ANLN: variants seen among roughly 807,000 people sequenced by gnomAD.
ANLN encodes the protein anillin.
Under a neutral mutation model 135.1 loss-of-function variants are expected in ANLN, and 59 were observed. That is an observed-to-expected ratio of 0.44 (90% CI 0.35 to 0.54). The LOEUF (loss-of-function observed/expected upper bound fraction) is 0.54. ANLN is among the 20% of genes least tolerant of loss of function. ANLN has a pLI of 0.00. For missense variants in ANLN, 1,182 were observed against 1,340.0 expected, an observed-to-expected ratio of 0.88 and a Z score of 1.84; for synonymous variants, 406 against 456.4, an observed-to-expected ratio of 0.89 and a Z score of 1.41.
At chr7:36,409,123 G>A (rs887276408) in intron 5 of ANLN, among the ~76,000 whole-genome samples, 2 of 152,196 alleles carry the variant, frequency 1.3e-5, no homozygotes, top group Non-Finnish European at 2.9e-5. Flanking sequence ...AGATGGAATA[G>A]GACTAGTTAG....
chr7:36,389,874 G>T lies in ANLN; in HGVS notation c.-153G>T. ...GGCTGCAGAGGCCGAGTCCGTCACTGGAAGCCGAGAGGAGAGGACAGCTGG... is the reference window on the plus strand; with the variant it reads ...GGCTGCAGAGGCCGAGTCCGTCACTTGAAGCCGAGAGGAGAGGACAGCTGG... On this transcript the variant is annotated 5_prime_UTR_variant, in exon 1 of 24. Coordinates refer to ENST00000265748, the MANE Select transcript of ANLN (RefSeq NM_018685.5). The T allele has an allele frequency of 7.2e-7, 1 of 1,384,300 alleles. No homozygotes were observed. Among genetic ancestry groups the T allele is most frequent in the Non-Finnish European group, 1.0e-6 (1 of 991,216 alleles). The allele number at this position is 1,384,300 out of a possible 1,614,324, so 85.8% of individuals were successfully genotyped here.
At chr7:36,447,692 T>G (rs574094542) in intron 22 of ANLN, among the ~76,000 whole-genome samples, 1 of 152,178 alleles carries the variant, frequency 6.6e-6, no homozygotes, top group Non-Finnish European at 1.5e-5. Context: ...AAGTGACTAC[T>G]GAGCAGGTAG....
At chr7:36,399,706 C>T (rs186333149) in intron 3 of ANLN, among the ~76,000 whole-genome samples, 1 of 152,144 alleles carries the variant, frequency 6.6e-6, no homozygotes, top group Non-Finnish European at 1.5e-5. Context: ...ACCCTCAGCT[C>T]CATGTTAAAG....
intron 22 of ANLN, among the ~76,000 whole-genome samples, chr7:36,448,734 A>G (rs1329719241): frequency 2.0e-5 from 3 of 152,160 alleles, no homozygotes; most frequent in Non-Finnish European, 1.5e-5. Context: ...TTATTTAAAT[A>G]GTCCCCTATT....
At chr7:36,419,193 T>C in intron 9 of ANLN, 51 bp from the exon 10 acceptor site, 1 of 1,368,088 alleles carries the variant, frequency 7.3e-7, no homozygotes, top group East Asian at 2.3e-5. Flanking sequence ...GTTATGCCTT[T>C]AATTCTTAAA....
chr7:36,399,497 G>A, intron 3 of ANLN, 104 bp downstream of exon 3: 6 of 1,056,482 alleles, frequency 5.7e-6, no homozygotes, highest in East Asian at 2.7e-5. Context: ...AAATGCTTTT[G>A]TTTTATCTAT....
intron 7 of ANLN, among the ~76,000 whole-genome samples, chr7:36,411,601 T>C (rs1358838073): frequency 6.6e-6 from 1 of 152,232 alleles, no homozygotes; most frequent in East Asian, 1.9e-4. Context: ...TCAAAGTTCA[T>C]TAATCAGCCT....
intron 3 of ANLN, among the ~76,000 whole-genome samples, chr7:36,399,852 A>G (rs1390827354): frequency 6.6e-6 from 1 of 152,212 alleles, no homozygotes; most frequent in Admixed American, 6.5e-5. Flanking sequence ...ACACAGTGCT[A>G]GAAATGAATG....
intron 2 of ANLN, 33 bp downstream of exon 2, chr7:36,396,452 CTT>C: frequency 2.0e-6 from 3 of 1,518,202 alleles, no homozygotes; most frequent in South Asian, 2.5e-5. Context: ...ATAACATTTA[CTT>C]TTTTTTTCTT....
At position 36,426,903 on chromosome 7, in the gene ANLN, T is replaced by C. The variant is rs750434907; in HGVS notation, c.2771-13T>C. On this transcript the variant is annotated splice_polypyrimidine_tract_variant and intron_variant, in intron 19 of 23. Coordinates refer to ENST00000265748, the MANE Select transcript of ANLN (RefSeq NM_018685.5). The stretch of plus-strand genomic sequence containing the variant: ...TCATTCTGAACTAAACTTAATTTCC[T>C]CGTTCTTCACAGTCATGGCCAGTCC... The C allele has an allele frequency of 6.5e-7, 1 of 1,544,748 alleles. No individual in the cohort carries two copies. Among genetic ancestry groups the C allele is most frequent in the Non-Finnish European group, 8.8e-7 (1 of 1,140,430 alleles).
intron 20 of ANLN, among the ~76,000 whole-genome samples, chr7:36,436,916 C>A (rs1315259644): frequency 1.3e-5 from 2 of 152,082 alleles, no homozygotes; most frequent in Non-Finnish European, 2.9e-5. Flanking sequence ...ATATTTCAAA[C>A]CATTCCATAG....
chr7:36,426,693 A>G (rs529326731), intron 19 of ANLN, among the ~76,000 whole-genome samples: 2 of 152,258 alleles, frequency 1.3e-5, no homozygotes, highest in African/African-American at 2.4e-5. Flanking sequence ...TTAGGTCTAT[A>G]TCTTTAAAAA....
intron 1 of ANLN, among the ~76,000 whole-genome samples, chr7:36,391,114 T>C (rs1472068162): frequency 6.6e-6 from 1 of 152,226 alleles, no homozygotes; most frequent in African/African-American, 2.4e-5. Flanking sequence ...ACATAATCTA[T>C]TTTTCTGTTT....
rs764945284 is a variant in ANLN, at chr7:36,410,589, G to A, written c.1172G>A (p.Arg391His). 32 of 1,613,928 alleles carry A rather than the reference G, an allele frequency of 2.0e-5. No homozygotes were observed. Among genetic ancestry groups the A allele is most frequent in the South Asian group, 4.4e-5 (4 of 91,078 alleles). Residue 391 changes from arginine (R) to histidine (H), a missense_variant, in exon 6 of 24, where the codon CGT becomes CAT. Coordinates refer to ENST00000265748, the MANE Select transcript of ANLN (RefSeq NM_018685.5). ...CQEHSKESPARSTPHRTPIIT... is the reference protein window; with the variant it reads ...CQEHSKESPAHSTPHRTPIIT... ...GAACATAGCAAAGAAAGTCCAGCTC[G>A]TAGCACACCCCACAGAACCCCCATT...
intron 20 of ANLN, among the ~76,000 whole-genome samples, chr7:36,432,724 T>C (rs1429499830): frequency 1.3e-5 from 2 of 152,242 alleles, no homozygotes; most frequent in Non-Finnish European, 2.9e-5. Context: ...TAATTGAGTA[T>C]TTTGGTAATC....
At chr7:36,410,349 A>C (rs1787359639) in intron 5 of ANLN, among the ~76,000 whole-genome samples, 165 bp from the exon 6 acceptor site, 1 of 152,122 alleles carries the variant, frequency 6.6e-6, no homozygotes, top group South Asian at 2.1e-4. Flanking sequence ...TAGAATAGTA[A>C]ACTTTTTAAA....
intron 1 of ANLN, among the ~76,000 whole-genome samples, chr7:36,395,153 T>A (rs1215405843): frequency 6.6e-6 from 1 of 152,240 alleles, no homozygotes; most frequent in East Asian, 1.9e-4. Context: ...ATCACAAATT[T>A]AGTGGCCTAA....
Position 36,407,816 on chromosome 7 carries a change from A to G in ANLN, c.956A>G (p.Lys319Arg). 6.2e-7 allele frequency: 1 copy of G among 1,613,922 alleles called. No homozygotes were observed. The change falls in exon 5 of 24, where the codon AAA (lysine) becomes AGA (arginine). Residue 319 changes from lysine to arginine, a missense_variant. This residue lies in a region of ANLN where 1,022 missense variants were observed against 1,134.0 expected (regional missense o/e 0.90). Coordinates refer to ENST00000265748, the MANE Select transcript of ANLN (RefSeq NM_018685.5). ...CEGQNPELLP[K>R]TPISPLKTGV... Reference sequence around the variant, plus strand: ...GGACAAAATCCTGAGCTACTTCCAAAAACTCCTATTAGTCCTCTGAAAACG... The same window carrying G: ...GGACAAAATCCTGAGCTACTTCCAAGAACTCCTATTAGTCCTCTGAAAACG...
At chr7:36,391,154 A>G (rs575381968) in intron 1 of ANLN, among the ~76,000 whole-genome samples, 15 of 152,332 alleles carry the variant, frequency 9.8e-5, no homozygotes, top group African/African-American at 3.6e-4. Flanking sequence ...GGACAAATAC[A>G]TCAATTTTTT....
Sources: allele counts gnomAD v4.1 joint callset (sites outside exome capture counted in the v4.1 genomes callset), GRCh38; gene constraint gnomAD v4.1.1; regional missense constraint gnomAD v4.1.1; transcripts MANE v1.5; gene names NCBI Gene and HGNC (gene_info 2026-07-23, HGNC 2026-07-21).